UBXN7: variants seen among roughly 807,000 people sequenced by gnomAD.
UBXN7 encodes the protein UBX domain protein 7.
A neutral mutation model predicts 58.0 loss-of-function variants in UBXN7; 9 were observed. That is an observed-to-expected ratio of 0.16 (90% CI 0.09 to 0.27). UBXN7 has a LOEUF of 0.27. UBXN7 is among the 10% of genes least tolerant of loss of function. The pLI, the probability that UBXN7 is intolerant of heterozygous loss-of-function variation, is 1.00. For missense variants in UBXN7, 328 were observed against 599.6 expected (o/e 0.55, Z 4.73); for synonymous variants, 208 against 205.0 (o/e 1.01, Z -0.12).
chr3:196,424,705 T>C (rs1277593216), intron 1 of UBXN7, among the ~76,000 whole-genome samples: 1 of 36,396 alleles, frequency 2.7e-5, no homozygotes, highest in Admixed American at 3.4e-4. Context: ...TTTATAACCT[T>C]TTTTTTTTTT....
chr3:196,371,719 G>A (rs2108833171), intron 6 of UBXN7, among the ~76,000 whole-genome samples, 177 bp downstream of exon 6: 1 of 152,274 alleles, frequency 6.6e-6, no homozygotes, highest in South Asian at 2.1e-4. Flanking sequence ...CTGACCTCAG[G>A]TGATCCGCCG....
intron 5 of UBXN7, among the ~76,000 whole-genome samples, chr3:196,385,527 T>A (rs1290029816): frequency 6.6e-6 from 1 of 150,440 alleles, no homozygotes. Context: ...GGGGAGTGCC[T>A]CTGCCCCGCC....
rs1299324691 is a variant in UBXN7 at position 196,413,389 on chromosome 3, T to TA, written c.74-5997dup. Among the ~76,000 whole-genome samples the TA allele has an allele frequency of 1.3e-5, 2 of 152,150 alleles. 1 individual carries two copies. Among genetic ancestry groups the TA allele is most frequent in the East Asian group, 3.8e-4 (2 of 5,200 alleles). ...TTGTTATATACGTGTTAATACAATT[T>TA]AAAAAATTGAAAAAACAAACACCCT... On this transcript the variant is annotated intron_variant, in intron 1 of 10. Transcript: ENST00000296328.
chr3:196,366,505 T>C (rs1728671180), intron 8 of UBXN7, among the ~76,000 whole-genome samples: 1 of 150,850 alleles, frequency 6.6e-6, no homozygotes, highest in African/African-American at 2.4e-5. Flanking sequence ...AAGACTACAG[T>C]GAGTTAATAT....
At chr3:196,396,925 C>A (rs1461920436) in intron 3 of UBXN7, among the ~76,000 whole-genome samples, 1 of 152,156 alleles carries the variant, frequency 6.6e-6, no homozygotes, top group African/African-American at 2.4e-5. Context: ...CCAACCTCCC[C>A]CTTCTCTATA....
At chr3:196,364,320 G>A (rs73088709) in intron 8 of UBXN7, among the ~76,000 whole-genome samples, 1,645 of 152,232 alleles carry the variant, frequency 0.011, 38 homozygotes, top group African/African-American at 0.038. Flanking sequence ...GGATATTACA[G>A]AATTACTGCT....
At chr3:196,378,822 G>C (rs539149612) in intron 5 of UBXN7, among the ~76,000 whole-genome samples, 2 of 149,688 alleles carry the variant, frequency 1.3e-5, no homozygotes, top group African/African-American at 4.9e-5. Flanking sequence ...GGTTTTGGTG[G>C]ATTTTAGCCA....
chr3:196,373,476 C>T (rs755109173), intron 5 of UBXN7, among the ~76,000 whole-genome samples: 2 of 152,118 alleles, frequency 1.3e-5, no homozygotes, highest in Non-Finnish European at 2.9e-5. Context: ...AACAGTGACA[C>T]GAAACCACAG....
intron 3 of UBXN7, chr3:196,400,016 G>C (rs911735837): frequency 6.6e-6 from 1 of 152,122 alleles, no homozygotes; most frequent in African/African-American, 2.4e-5. Flanking sequence ...ATGCCAGTCA[G>C]GTGTCTACAC....
intron 1 of UBXN7, among the ~76,000 whole-genome samples, chr3:196,425,660 CTT>C (rs1730825240): frequency 6.6e-6 from 1 of 152,098 alleles, no homozygotes; most frequent in Non-Finnish European, 1.5e-5. Context: ...CCATTTATCT[CTT>C]GAGGTCCATT....
At chr3:196,359,652 A>G (rs1315859834) in intron 10 of UBXN7, among the ~76,000 whole-genome samples, 5 of 152,166 alleles carry the variant, frequency 3.3e-5, no homozygotes, top group African/African-American at 1.2e-4. Flanking sequence ...AGTGGCTCAC[A>G]CCTGCACTTT....
At chr3:196,403,165 G>C (rs190827480) in intron 2 of UBXN7, 146 bp from the exon 3 acceptor site, 29 of 815,284 alleles carry the variant, frequency 3.6e-5, no homozygotes, top group East Asian at 2.0e-4. Context: ...TATTTTTTTG[G>C]GGGGGCGGTG....
intron 3 of UBXN7, 72 bp downstream of exon 3, chr3:196,402,880 C>T (rs1408698148): frequency 1.3e-6 from 2 of 1,514,710 alleles, no homozygotes; most frequent in South Asian, 1.2e-5. Flanking sequence ...CAAGCCTTCA[C>T]ATCTTTTGAT....
At chr3:196,376,427 T>A (rs1729022609) in intron 5 of UBXN7, among the ~76,000 whole-genome samples, 1 of 149,814 alleles carries the variant, frequency 6.7e-6, no homozygotes, top group African/African-American at 2.5e-5. Flanking sequence ...GTACCTATAG[T>A]CCCAGCTACT....
At chr3:196,381,388 T>C (rs1729200749) in intron 5 of UBXN7, among the ~76,000 whole-genome samples, 1 of 152,198 alleles carries the variant, frequency 6.6e-6, no homozygotes, top group African/African-American at 2.4e-5. Context: ...GACCTACAGC[T>C]GAGGGACCTG....
Position 196,352,169 on chromosome 3 carries a change from T to C in UBXN7, c.*4516A>G, listed in dbSNP as rs536358818. 3.9e-5 allele frequency: 6 copies of C among 152,352 alleles called. No individual in the cohort carries two copies. The highest frequency in any genetic ancestry group is 8.8e-5 in the Non-Finnish European group (6 of 68,028). The allele number at this position is 152,352 out of a possible 1,614,324, so 9.4% of individuals were successfully genotyped here. ...TTCCCTTTTTCTAAGTTTGAACTAA[T>C]AGGTAAACATTTACATGCTCTCCAA... On this transcript the variant is annotated 3_prime_UTR_variant, in exon 11 of 11. Coordinates refer to ENST00000296328, the MANE Select transcript of UBXN7 (RefSeq NM_015562.2). The surrounding 1 kb of genome is among the most constrained non-coding windows in gnomAD (Gnocchi z 4.1).
At chr3:196,377,119 T>C (rs1420686648) in intron 5 of UBXN7, among the ~76,000 whole-genome samples, 1 of 151,692 alleles carries the variant, frequency 6.6e-6, no homozygotes, top group Non-Finnish European at 1.5e-5. Flanking sequence ...CCTTCTGGCA[T>C]AATCATGATT....
At chr3:196,418,253 A>AGAAG (rs2108622786) in intron 1 of UBXN7, among the ~76,000 whole-genome samples, 1 of 149,226 alleles carries the variant, frequency 6.7e-6, no homozygotes, top group South Asian at 2.2e-4. Flanking sequence ...AAGGAAGAAA[A>AGAAG]GAAGGAAGGA....
At chr3:196,430,198 T>C (rs1443586741) in intron 1 of UBXN7, among the ~76,000 whole-genome samples, 1 of 151,638 alleles carries the variant, frequency 6.6e-6, no homozygotes, top group African/African-American at 2.4e-5. Flanking sequence ...CTACTAAAAA[T>C]ACAAAAATTA....
Sources: gnomAD v4.1 joint callset for allele counts (sites outside exome capture counted in the v4.1 genomes callset) on GRCh38, gnomAD v4.1.1 for gene constraint, Gnocchi (gnomAD v3.1) non-coding constraint, MANE v1.5 for transcripts, NCBI Gene and HGNC (gene_info 2026-07-23, HGNC 2026-07-21) for gene names.